MAML3: variants seen among roughly 807,000 people sequenced by gnomAD.
The protein encoded by MAML3 is mastermind-like protein 3.
A neutral mutation model predicts 101.9 loss-of-function variants in MAML3; 27 were observed. That is an observed-to-expected ratio of 0.27 (90% CI 0.20 to 0.37). MAML3 has a LOEUF of 0.37. MAML3 is among the 10% of genes least tolerant of loss of function. The pLI is 1.00. For missense variants in MAML3, 1,316 were observed against 1,444.9 expected (o/e 0.91, Z 1.45); for synonymous variants, 501 against 555.9 (o/e 0.90, Z 1.39).
At chr4:139,994,813 G>A (rs981888334) in intron 1 of MAML3, among the ~76,000 whole-genome samples, 2 of 151,530 alleles carry the variant, frequency 1.3e-5, no homozygotes, top group Non-Finnish European at 2.9e-5. Flanking sequence ...GTGTGTATGT[G>A]TATTCCTTAA....
intron 1 of MAML3, among the ~76,000 whole-genome samples, chr4:139,955,838 G>A (rs1733906622): frequency 6.6e-6 from 1 of 152,122 alleles, no homozygotes; most frequent in Admixed American, 6.5e-5. Flanking sequence ...TCCCTTACCA[G>A]GCTGCACCAA....
intron 1 of MAML3, among the ~76,000 whole-genome samples, chr4:140,044,839 T>C (rs1165795246): frequency 1.3e-5 from 2 of 152,192 alleles, no homozygotes; most frequent in East Asian, 3.9e-4. Flanking sequence ...GAGTCATTTG[T>C]GTGCCTCTTA....
At chr4:140,060,365 C>CAAGAAAAAAAAAAAAAAAAAAAAA (rs1727424189) in intron 1 of MAML3, among the ~76,000 whole-genome samples, 1 of 19,126 alleles carries the variant, frequency 5.2e-5, no homozygotes, top group Non-Finnish European at 9.3e-5. Flanking sequence ...GACTCTGTCT[C>CAAGAAAAAAAAAAAAAAAAAAAAA]AAAAAAAAAA....
At chr4:139,749,892 C>G (rs1384923636) in intron 2 of MAML3, among the ~76,000 whole-genome samples, 3 of 133,684 alleles carry the variant, frequency 2.2e-5, no homozygotes, top group Non-Finnish European at 4.7e-5. Context: ...AGAACCCCCC[C>G]CCACCCTATT....
intron 2 of MAML3, among the ~76,000 whole-genome samples, chr4:139,861,282 C>T (rs920690000): frequency 1.3e-5 from 2 of 152,060 alleles, no homozygotes; most frequent in Non-Finnish European, 2.9e-5. Context: ...TTCCCGAAGG[C>T]TCTATCCTCA....
intron 1 of MAML3, among the ~76,000 whole-genome samples, chr4:140,146,644 AT>A (rs1275590982): frequency 6.6e-6 from 1 of 152,246 alleles, no homozygotes; most frequent in Admixed American, 6.5e-5. Context: ...TGTAATAAAA[AT>A]TTAATTTGTG....
rs1475777313 is a variant in MAML3 at position 140,152,933 on chromosome 4, T to G, written c.395A>C (p.Gln132Pro). 2.5e-6 allele frequency: 4 copies of G among 1,612,768 alleles called. No individual in the cohort carries two copies. In the Admixed American group the frequency reaches 6.7e-5, roughly 27 times the overall value. The change falls in exon 1 of 5, where the codon CAG (glutamine) becomes CCG (proline). Residue 132 changes from glutamine to proline, a missense_variant. Physicochemically the swap from Gln to Pro is moderately conservative, Grantham distance 76 (BLOSUM62 -1). Transcript: ENST00000509479. ...TTGCTGGGGTTTGCTCGGGTGCTGC[T>G]GTTTGCCGGTGCCGGCGCCCGATTT... is the stretch of plus-strand genomic sequence containing the variant. ...AKKSGAGTGK[Q>P]QHPSKPQQDA...
At chr4:139,995,060 T>G (rs1734780387) in intron 1 of MAML3, among the ~76,000 whole-genome samples, 1 of 152,148 alleles carries the variant, frequency 6.6e-6, no homozygotes, top group Non-Finnish European at 1.5e-5. Flanking sequence ...GAGGAAATTT[T>G]CTGCTATTCC....
intron 1 of MAML3, among the ~76,000 whole-genome samples, chr4:140,091,953 A>G (rs2110982856): frequency 6.6e-6 from 1 of 151,608 alleles, no homozygotes; most frequent in East Asian, 1.9e-4. Context: ...TTTCCTATCT[A>G]TTTATTTCCT....
chr4:139,747,700 G>GA (rs542820392), intron 2 of MAML3, among the ~76,000 whole-genome samples: 373 of 140,082 alleles, frequency 2.7e-3, no homozygotes, highest in Middle Eastern at 0.022. Context: ...TCTCAGAAAA[G>GA]AAAAAAAAAA....
intron 2 of MAML3, among the ~76,000 whole-genome samples, chr4:139,756,597 G>A (rs778925654): frequency 6.6e-6 from 1 of 152,116 alleles, no homozygotes; most frequent in African/African-American, 2.4e-5. Context: ...ATTCAAGCTC[G>A]TAATAAAACA....
At chr4:139,954,229 AG>A (rs1733879699) in intron 1 of MAML3, among the ~76,000 whole-genome samples, 1 of 152,226 alleles carries the variant, frequency 6.6e-6, no homozygotes, top group South Asian at 2.1e-4. Flanking sequence ...TGCTGAGACT[AG>A]GTGATGCCTG....
intron 2 of MAML3, among the ~76,000 whole-genome samples, chr4:139,863,284 T>C (rs1011692817): frequency 2.0e-5 from 3 of 152,036 alleles, no homozygotes; most frequent in African/African-American, 7.2e-5. Flanking sequence ...TTATTCTTTG[T>C]TCATTTGTTT....
At chr4:139,961,522 C>T (rs1274195747) in intron 1 of MAML3, among the ~76,000 whole-genome samples, 1 of 152,134 alleles carries the variant, frequency 6.6e-6, no homozygotes, top group Non-Finnish European at 1.5e-5. Flanking sequence ...TGTGGGCCCC[C>T]CTTTTTGGAA....
intron 1 of MAML3, among the ~76,000 whole-genome samples, chr4:140,076,572 C>T (rs1305416961): frequency 6.6e-6 from 1 of 152,250 alleles, no homozygotes; most frequent in South Asian, 2.1e-4. Flanking sequence ...CCTATGCCTA[C>T]TTCTCTTGCT....
intron 1 of MAML3, among the ~76,000 whole-genome samples, chr4:139,920,830 C>A (rs538031141): frequency 1.3e-5 from 2 of 152,262 alleles, no homozygotes; most frequent in African/African-American, 4.8e-5. Flanking sequence ...CCTGCAGGAG[C>A]CCAGCTGGGG....
chr4:140,038,731 CAG>C (rs1727029592), intron 1 of MAML3, among the ~76,000 whole-genome samples: 1 of 152,182 alleles, frequency 6.6e-6, no homozygotes, highest in South Asian at 2.1e-4. Flanking sequence ...ACATAAAACA[CAG>C]GGAACAGAGG....
chr4:139,905,795 T>G (rs890412227), intron 1 of MAML3, among the ~76,000 whole-genome samples: 1 of 152,138 alleles, frequency 6.6e-6, no homozygotes, highest in African/African-American at 2.4e-5. Flanking sequence ...GGTCCAAATT[T>G]CCTCTTCTTA....
intron 2 of MAML3, among the ~76,000 whole-genome samples, chr4:139,754,994 C>A (rs1224343492): frequency 6.6e-6 from 1 of 152,222 alleles, no homozygotes. Flanking sequence ...TTTGCCTCTT[C>A]GGCGTGGCGA....
Sources: gnomAD v4.1 joint callset for allele counts (sites outside exome capture counted in the v4.1 genomes callset) on GRCh38, gnomAD v4.1.1 for gene constraint, MANE v1.5 for transcripts, NCBI Gene and HGNC (gene_info 2026-07-23, HGNC 2026-07-21) for gene names.